The following VPS37A variants were observed in gnomAD, a reference collection of about 807,000 sequenced individuals.
VPS37A encodes VPS37A subunit of ESCRT-I.
In VPS37A, 30 loss-of-function variants were observed where a neutral mutation model predicts 49.8. The ratio of observed to expected loss-of-function variants is 0.60; its 90% CI spans 0.45 to 0.82. The LOEUF (loss-of-function observed/expected upper bound fraction) is 0.82, where lower values mean the gene tolerates loss of function less well. Among genes scored for constraint, VPS37A ranks in the 40% least tolerant of loss-of-function variants. The pLI, the probability that VPS37A is intolerant of heterozygous loss-of-function variation, is 0.00. For synonymous variants in VPS37A, 195 were observed against 160.6 expected, an observed-to-expected ratio of 1.21 and a Z score of -1.62; for missense variants, 593 against 464.4, an observed-to-expected ratio of 1.28 and a Z score of -2.55.
intron 10 of VPS37A, among the ~76,000 whole-genome samples, chr8:17,285,779 T>C (rs1210602231): frequency 1.3e-5 from 2 of 152,356 alleles, no homozygotes; most frequent in East Asian, 3.9e-4. Context: ...ATCTTCCTGC[T>C]TAACAGTAGC....
downstream of VPS37A, chr8:17,298,146 A>G (rs1219271179): frequency 6.6e-6 from 1 of 152,092 alleles, no homozygotes; most frequent in Non-Finnish European, 1.5e-5. Context: ...GACAGCTCCA[A>G]GAAGGTTGTG....
At chr8:17,273,496 AG>A (rs1814208830) in intron 4 of VPS37A, among the ~76,000 whole-genome samples, 1 of 151,942 alleles carries the variant, frequency 6.6e-6, no homozygotes, top group Non-Finnish European at 1.5e-5. Context: ...CCTCCCGAGT[AG>A]CTGGGACTAC....
chr8:17,305,152 G>C (rs935467168), downstream of VPS37A, among the ~76,000 whole-genome samples: 1 of 152,084 alleles, frequency 6.6e-6, no homozygotes, highest in Non-Finnish European at 1.5e-5. Flanking sequence ...TTCTTTATGA[G>C]TCCATTTCAT....
the VPS37A span, among the ~76,000 whole-genome samples, chr8:17,324,724 G>A: frequency 1.1e-4 from 16 of 152,176 alleles, no homozygotes; most frequent in African/African-American, 3.6e-4. Context: ...CATGTAGAGC[G>A]ACCTATTTCC....
the VPS37A span, among the ~76,000 whole-genome samples, chr8:17,322,236 A>G: frequency 2.6e-5 from 4 of 152,230 alleles, no homozygotes; most frequent in African/African-American, 9.6e-5. Context: ...TCCACTGAAC[A>G]TCCACCAGGT....
At chr8:17,309,877 T>C in the VPS37A span, among the ~76,000 whole-genome samples, 1 of 152,216 alleles carries the variant, frequency 6.6e-6, no homozygotes, top group Non-Finnish European at 1.5e-5. Context: ...TGATGGTGTT[T>C]GGGGTATATT....
chr8:17,277,751 C>T (rs1277398047), intron 6 of VPS37A, among the ~76,000 whole-genome samples: 1 of 151,606 alleles, frequency 6.6e-6, no homozygotes, highest in Non-Finnish European at 1.5e-5. Flanking sequence ...TTTTTGTGGG[C>T]AGTTTGTTTG....
chr8:17,273,283 A>T (rs1330920694), intron 4 of VPS37A, among the ~76,000 whole-genome samples: 1 of 152,030 alleles, frequency 6.6e-6, no homozygotes, highest in East Asian at 1.9e-4. Context: ...TTTTACCCAA[A>T]TGTGAGCTTA....
chr8:17,331,236 T>C, the VPS37A span: 2 of 1,612,476 alleles, frequency 1.2e-6, no homozygotes, highest in Non-Finnish European at 1.7e-6. Flanking sequence ...ATAATTGTCT[T>C]CATTCTCATA....
intron 4 of VPS37A, among the ~76,000 whole-genome samples, chr8:17,272,389 T>C (rs1031961082): frequency 4.6e-5 from 7 of 152,190 alleles, no homozygotes; most frequent in Non-Finnish European, 7.3e-5. Context: ...TATTTTCAGA[T>C]AAAAAATGTA....
chr8:17,262,890 G>A (rs1217635194), intron 1 of VPS37A, among the ~76,000 whole-genome samples: 1 of 151,708 alleles, frequency 6.6e-6, no homozygotes, highest in African/African-American at 2.4e-5. Flanking sequence ...GTGAAACCCC[G>A]TCTCTACTAA....
chr8:17,273,839 T>C (rs1814245566), intron 4 of VPS37A, among the ~76,000 whole-genome samples: 1 of 152,176 alleles, frequency 6.6e-6, no homozygotes, highest in South Asian at 2.1e-4. Context: ...AATGAAATAA[T>C]AGTACTCTCA....
intron 4 of VPS37A, among the ~76,000 whole-genome samples, chr8:17,273,361 C>T: frequency 6.6e-6 from 1 of 152,100 alleles, no homozygotes; most frequent in East Asian, 1.9e-4. Context: ...AAATTGCCCT[C>T]CAGAGTAGTT....
intron 9 of VPS37A, among the ~76,000 whole-genome samples, chr8:17,281,308 AT>A (rs1271837093): frequency 1.3e-5 from 2 of 152,028 alleles, no homozygotes; most frequent in African/African-American, 4.8e-5. Context: ...GATTAAATAA[AT>A]TTCTTGAGGT....
chr8:17,304,008 C>T (rs1817293143), downstream of VPS37A, among the ~76,000 whole-genome samples: 1 of 152,176 alleles, frequency 6.6e-6, no homozygotes, highest in Non-Finnish European at 1.5e-5. Flanking sequence ...GCAAAAACCA[C>T]AATTATTTTT....
intron 6 of VPS37A, among the ~76,000 whole-genome samples, chr8:17,277,861 T>TACAC (rs67718316): frequency 0.23 from 32,877 of 140,698 alleles, 3,820 homozygotes; most frequent in Admixed American, 0.33. Flanking sequence ...TTCTCTTTTA[T>TACAC]ACACACACAC....
chr8:17,321,991 A>G, the VPS37A span, among the ~76,000 whole-genome samples: 79 of 152,132 alleles, frequency 5.2e-4, 1 homozygote, highest in African/African-American at 1.9e-3. Context: ...TCTCCTATGC[A>G]ATTGCTGGTG....
At chr8:17,287,609 C>T (rs1450275639) in intron 11 of VPS37A, among the ~76,000 whole-genome samples, 1 of 151,558 alleles carries the variant, frequency 6.6e-6, no homozygotes, top group Non-Finnish European at 1.5e-5. Flanking sequence ...ACCTGGGAGG[C>T]AGACCTTGCA....
At chr8:17,300,156 G>A (rs1382003436), downstream of VPS37A, 2 of 1,614,106 alleles carry the variant, frequency 1.2e-6, no homozygotes, top group Non-Finnish European at 1.7e-6. Context: ...CTGAGTGCTT[G>A]CTGGGCTCAC....
Sources: gnomAD v4.1 joint callset for allele counts (sites outside exome capture counted in the v4.1 genomes callset) on GRCh38, gnomAD v4.1.1 for gene constraint, MANE v1.5 for transcripts, NCBI Gene and HGNC (gene_info 2026-07-23, HGNC 2026-07-21) for gene names.